ZC3H7B: variants seen among roughly 807,000 people sequenced by gnomAD.
ZC3H7B encodes the protein zinc finger CCCH-type containing 7B.
In ZC3H7B, 35 loss-of-function variants were observed where a neutral mutation model predicts 116.0. The observed-to-expected ratio is 0.30, with a 90% CI of 0.23 to 0.40. The LOEUF (loss-of-function observed/expected upper bound fraction) is 0.40. ZC3H7B is among the 10% of genes least tolerant of loss of function. The probability of loss-of-function intolerance (pLI) is 1.00; values close to 1 mark genes in which losing one functional copy is unlikely to be tolerated. For missense variants in ZC3H7B, 1,011 were observed against 1,321.5 expected, an observed-to-expected ratio of 0.77 and a Z score of 3.64; for synonymous variants, 502 against 545.6, an observed-to-expected ratio of 0.92 and a Z score of 1.11.
chr22:41,325,413 C>G (rs761109756), intron 2 of ZC3H7B, 151 bp from the exon 3 acceptor site: 18 of 1,024,708 alleles, frequency 1.8e-5, no homozygotes, highest in Non-Finnish European at 2.6e-5. Context: ...GGAAGGCCTG[C>G]ATGGCAATGA....
chr22:41,348,216 T>G, intron 15 of ZC3H7B, 49 bp downstream of exon 15: 3 of 1,540,224 alleles, frequency 1.9e-6, no homozygotes, highest in Non-Finnish European at 1.8e-6. Context: ...CAGTGGAGAG[T>G]CCCCTCAGGC....
chr22:41,339,210 C>T lies in ZC3H7B; in HGVS notation c.816+19C>T. Reference sequence around the variant, plus strand: ...CTCGCTGGTGAGCCACACCACCCTCCTTGTGCTCCCCTGATCCCCTCTCCC... The same window carrying T: ...CTCGCTGGTGAGCCACACCACCCTCTTTGTGCTCCCCTGATCCCCTCTCCC... On this transcript the variant is annotated intron_variant, in intron 9 of 22. Transcript: ENST00000352645. 2 of 1,592,042 alleles carry T rather than the reference C, an allele frequency of 1.3e-6. No homozygotes were observed. The highest frequency in any genetic ancestry group is 2.3e-5 in the East Asian group (1 of 44,410).
chr22:41,329,976 T>A, intron 5 of ZC3H7B, 47 bp from the exon 6 acceptor site: 1 of 1,602,402 alleles, frequency 6.2e-7, no homozygotes, highest in South Asian at 1.1e-5. Flanking sequence ...CACAGCTTTG[T>A]GAGCCCGGGC....
intron 2 of ZC3H7B, 152 bp downstream of exon 2, chr22:41,320,865 A>C: frequency 6.9e-6 from 7 of 1,014,594 alleles, no homozygotes; most frequent in South Asian, 5.7e-5. Flanking sequence ...GGGAGGAGCC[A>C]GGAAGGGGCT....
chr22:41,340,050 C>G lies in ZC3H7B; in HGVS notation c.1051C>G (p.Leu351Val), dbSNP rs762805252. ...PPGPTLDPLD[L>V]LPYSETRLDA... ...GGGCCCCACGCTGGACCCCCTGGAC[C>G]TGCTGCCGTACTCGGAGACCCGGCT... Residue 351 changes from leucine to valine, a missense_variant, in exon 10 of 23, where the codon CTG (leucine) becomes GTG (valine). Coordinates refer to ENST00000352645, the MANE Select transcript of ZC3H7B (RefSeq NM_017590.6). The G allele has an allele frequency of 5.6e-6, 9 of 1,611,780 alleles. No individual in the cohort carries two copies. Among genetic ancestry groups the G allele is most frequent in the Non-Finnish European group, 7.6e-6 (9 of 1,179,986 alleles).
intron 1 of ZC3H7B, among the ~76,000 whole-genome samples, chr22:41,319,400 CA>C (rs373136583): frequency 2.0e-5 from 3 of 146,572 alleles, no homozygotes; most frequent in Non-Finnish European, 3.0e-5. Flanking sequence ...AACTCCCTCT[CA>C]AAAAAAAACA....
chr22:41,309,596 T>TCCGTCC, intron 1 of ZC3H7B, among the ~76,000 whole-genome samples: 1 of 152,292 alleles, frequency 6.6e-6, no homozygotes, highest in Admixed American at 6.5e-5. Context: ...ATTACAGGCG[T>TCCGTCC]GAACCACCGC....
At chr22:41,350,414 C>T (rs1017535341) in intron 16 of ZC3H7B, among the ~76,000 whole-genome samples, 3 of 152,130 alleles carry the variant, frequency 2.0e-5, no homozygotes, top group African/African-American at 7.2e-5. Context: ...TTGCAAAAGT[C>T]ACTCTGGCTG....
At position 41,339,043 on chromosome 22, in the gene ZC3H7B, C is replaced by A. The variant is rs1481186687; in HGVS notation, c.668C>A (p.Ser223Tyr). Residue 223 changes from serine (S) to tyrosine (Y), a missense_variant, in exon 9 of 23, where the codon TCC becomes TAC. This residue lies in a region of ZC3H7B where 322 missense variants were observed against 443.9 expected (regional missense o/e 0.73). Transcript: ENST00000352645. ...DPRGSPALLP[S>Y]TPTMPLFPHV... ...CGAGGCTCCCCAGCCCTTCTCCCCT[C>A]CACGCCCACGATGCCCCTGTTCCCT... The A allele has an allele frequency of 6.2e-7, 1 of 1,607,860 alleles. No individual in the cohort carries two copies. The highest frequency in any genetic ancestry group is 1.7e-5 in the Admixed American group (1 of 59,722).
intron 10 of ZC3H7B, among the ~76,000 whole-genome samples, chr22:41,340,824 C>T (rs2036513012): frequency 6.6e-6 from 1 of 152,164 alleles, no homozygotes; most frequent in Non-Finnish European, 1.5e-5. Flanking sequence ...GACCTGGGAG[C>T]AAGCTAAGGA....
Position 41,349,490 on chromosome 22 carries a change from G to C in ZC3H7B, c.1948+189G>C, listed in dbSNP as rs2036630676. ...TGTGTGTCCCAGGCACCACAGAGGA[G>C]AGAAGCTCTGCTCTCAGGGCGCTTC... On this transcript the variant is annotated intron_variant, in intron 16 of 22. Coordinates refer to ENST00000352645, the MANE Select transcript of ZC3H7B (RefSeq NM_017590.6). The surrounding 1 kb of genome is among the most constrained non-coding windows in gnomAD (Gnocchi z 4.9). 6.6e-6 allele frequency among the ~76,000 whole-genome samples: 1 copy of C among 152,144 alleles called. No homozygotes were observed.
In ZC3H7B at chr22:41,306,373, C is replaced by CTT. The variant is rs150362292; in HGVS notation, c.-7+4617_-7+4618dup. On this transcript the variant is annotated intron_variant, in intron 1 of 22. Coordinates refer to ENST00000352645, the MANE Select transcript of ZC3H7B (RefSeq NM_017590.6). ...TTTTCCTAAATTAGCTTATTTAATT[C>CTT]TTTTTTTTTTTTTTTTTGAGACGGA... is the stretch of plus-strand genomic sequence containing the variant. Among the ~76,000 whole-genome samples, 134 of 136,142 alleles carry CTT rather than the reference C, an allele frequency of 9.8e-4. 1 individual carries two copies. The highest frequency in any genetic ancestry group is 3.8e-3 in the Admixed American group (48 of 12,698). The allele number at this position is 136,142 out of a possible 152,430, so 89.3% of individuals were successfully genotyped here.
At chr22:41,331,619 G>A (rs2036386010) in intron 6 of ZC3H7B, among the ~76,000 whole-genome samples, 2 of 150,582 alleles carry the variant, frequency 1.3e-5, no homozygotes, top group East Asian at 2.0e-4. Context: ...GCCTATAATC[G>A]TAGTACTTTG....
intron 6 of ZC3H7B, among the ~76,000 whole-genome samples, chr22:41,331,426 G>A (rs2036383120): frequency 1.3e-5 from 2 of 149,904 alleles, no homozygotes; most frequent in African/African-American, 4.9e-5. Flanking sequence ...GTGGTAGCGA[G>A]CGCCTGTAGT....
intron 13 of ZC3H7B, among the ~76,000 whole-genome samples, 162 bp downstream of exon 13, chr22:41,343,738 G>T (rs978884990): frequency 2.6e-5 from 4 of 152,224 alleles, no homozygotes; most frequent in African/African-American, 9.6e-5. Flanking sequence ...CGTGCAGGAT[G>T]AATTCCACAT....
At chr22:41,345,968 C>T in intron 13 of ZC3H7B, 35 bp from the exon 14 acceptor site, 1 of 1,611,582 alleles carries the variant, frequency 6.2e-7, no homozygotes, top group South Asian at 1.1e-5. Flanking sequence ...GCTATCCCCG[C>T]CTGGCGGAAC....
In ZC3H7B at chr22:41,325,627, G is replaced by A. The variant is rs1472445182; in HGVS notation, c.87+30G>A. On this transcript the variant is annotated intron_variant, in intron 3 of 22. Coordinates refer to ENST00000352645, the MANE Select transcript of ZC3H7B (RefSeq NM_017590.6). ...GTGTCAGCTGCCAGGCTGAGCAAAGGTGAAGGGCGGAGATGTGCAGGGGAG... is the reference window on the plus strand; with the variant it reads ...GTGTCAGCTGCCAGGCTGAGCAAAGATGAAGGGCGGAGATGTGCAGGGGAG... 4.3e-6 allele frequency: 7 copies of A among 1,611,028 alleles called. No homozygotes were observed. In the South Asian group the frequency reaches 7.7e-5, roughly 18 times the overall value.
intron 2 of ZC3H7B, 152 bp from the exon 3 acceptor site, chr22:41,325,412 G>A (rs867249029): frequency 8.8e-6 from 9 of 1,021,852 alleles, no homozygotes; most frequent in Admixed American, 8.6e-5. Context: ...TGGAAGGCCT[G>A]CATGGCAATG....
intron 13 of ZC3H7B, among the ~76,000 whole-genome samples, chr22:41,344,511 G>A (rs959694728): frequency 6.6e-6 from 1 of 152,194 alleles, no homozygotes. Context: ...TGCCCTTTGA[G>A]CCTAGTCACC....
Sources: allele counts gnomAD v4.1 joint callset (sites outside exome capture counted in the v4.1 genomes callset), GRCh38; gene constraint gnomAD v4.1.1; regional missense constraint gnomAD v4.1.1; non-coding constraint Gnocchi (gnomAD v3.1); transcripts MANE v1.5; gene names NCBI Gene and HGNC (gene_info 2026-07-23, HGNC 2026-07-21).